ANO4: variants seen among roughly 807,000 people sequenced by gnomAD.
ANO4 encodes anoctamin 4.
ANO4 carries 69 observed loss-of-function variants against 141.9 expected under a neutral mutation model. That is an observed-to-expected ratio of 0.49 (90% confidence interval 0.40 to 0.59). The LOEUF (loss-of-function observed/expected upper bound fraction) is 0.59, where lower values mean the gene tolerates loss of function less well. Among genes scored for constraint, ANO4 ranks in the 20% least tolerant of loss-of-function variants. The probability of loss-of-function intolerance (pLI) is 0.00; values close to 1 mark genes in which losing one functional copy is unlikely to be tolerated. For synonymous variants in ANO4, 350 were observed against 394.3 expected (o/e 0.89, Z 1.33); for missense variants, 894 against 1,162.2 (o/e 0.77, Z 3.36).
At chr12:101,096,040 G>A (rs1047093156) in intron 18 of ANO4, among the ~76,000 whole-genome samples, 1 of 152,154 alleles carries the variant, frequency 6.6e-6, no homozygotes, top group African/African-American at 2.4e-5. Context: ...AAGGGTAAAA[G>A]CAAATGAGTC....
At chr12:100,935,695 G>T (rs1346936866) in intron 3 of ANO4, among the ~76,000 whole-genome samples, 2 of 152,168 alleles carry the variant, frequency 1.3e-5, no homozygotes, top group Non-Finnish European at 2.9e-5. Context: ...CCATGCCTGG[G>T]CTCTCCAGTA....
intron 3 of ANO4, among the ~76,000 whole-genome samples, chr12:100,930,623 G>A (rs2042053689): frequency 6.6e-6 from 1 of 151,900 alleles, no homozygotes; most frequent in East Asian, 1.9e-4. Flanking sequence ...TTGTTTGTTT[G>A]CAAAGGCATA....
chr12:100,875,249 T>C (rs1593596643), intron 1 of ANO4, among the ~76,000 whole-genome samples: 2 of 152,286 alleles, frequency 1.3e-5, no homozygotes, highest in South Asian at 4.1e-4. Flanking sequence ...TTCCCCTTAC[T>C]GTTCTTGTGA....
intron 14 of ANO4, among the ~76,000 whole-genome samples, chr12:101,065,704 C>A (rs930007618): frequency 6.6e-6 from 1 of 152,124 alleles, no homozygotes; most frequent in Non-Finnish European, 1.5e-5. Context: ...TAATAGCAAT[C>A]CTACTTGAAC....
chr12:100,816,157 T>G (rs1028994848), intron 1 of ANO4, among the ~76,000 whole-genome samples: 3 of 152,086 alleles, frequency 2.0e-5, no homozygotes, highest in Admixed American at 1.3e-4. Flanking sequence ...ATTCATTAAT[T>G]TATTTAAAAT....
chr12:100,959,650 A>G (rs2043324138), intron 5 of ANO4, among the ~76,000 whole-genome samples: 1 of 152,006 alleles, frequency 6.6e-6, no homozygotes, highest in African/African-American at 2.4e-5. Context: ...GCTTTCCTCC[A>G]CATGGTGAGT....
chr12:101,068,906 GA>G (rs2048702418), intron 14 of ANO4: 3 of 825,686 alleles, frequency 3.6e-6, no homozygotes, highest in Admixed American at 3.4e-5. Flanking sequence ...GAGCTCCTCC[GA>G]TACTACATGC....
intron 3 of ANO4, among the ~76,000 whole-genome samples, chr12:100,932,514 C>T (rs996741621): frequency 2.0e-5 from 3 of 151,880 alleles, no homozygotes; most frequent in African/African-American, 7.3e-5. Context: ...TTAATTAGTT[C>T]GTCCATTTAT....
intron 22 of ANO4, among the ~76,000 whole-genome samples, chr12:101,108,231 A>G (rs771677813): frequency 6.6e-6 from 1 of 152,134 alleles, no homozygotes; most frequent in Non-Finnish European, 1.5e-5. Flanking sequence ...AAATAAAACC[A>G]AGGTTGAAAC....
At chr12:101,116,585 A>T in intron 24 of ANO4, 94 bp from the exon 25 acceptor site, 1 of 1,570,604 alleles carries the variant, frequency 6.4e-7, no homozygotes, top group Non-Finnish European at 8.7e-7. Flanking sequence ...AGGCATTTAC[A>T]ATTGCAGTGA....
At chr12:101,092,175 C>G (rs2049803906) in intron 17 of ANO4, among the ~76,000 whole-genome samples, 1 of 151,498 alleles carries the variant, frequency 6.6e-6, no homozygotes, top group Non-Finnish European at 1.5e-5. Context: ...CCAGCCATGC[C>G]AATCTGAATC....
chr12:100,769,889 A>G (rs547845344), intron 3 of ANO4, among the ~76,000 whole-genome samples: 1 of 152,330 alleles, frequency 6.6e-6, no homozygotes, highest in East Asian at 1.9e-4. Flanking sequence ...CAGTAGTAAA[A>G]TAAACTGAAT....
At chr12:100,736,959 A>G (rs1016254377) in intron 2 of ANO4, among the ~76,000 whole-genome samples, 2 of 152,080 alleles carry the variant, frequency 1.3e-5, no homozygotes, top group Non-Finnish European at 2.9e-5. Flanking sequence ...ACCATGAGAG[A>G]ATAAATTTCT....
intron 2 of ANO4, among the ~76,000 whole-genome samples, chr12:100,910,519 T>C (rs2041055176): frequency 6.6e-6 from 1 of 152,188 alleles, no homozygotes; most frequent in Non-Finnish European, 1.5e-5. Flanking sequence ...TGAATATTAT[T>C]TTCTGCTTCC....
intron 17 of ANO4, among the ~76,000 whole-genome samples, chr12:101,089,377 T>C (rs917778420): frequency 2.0e-5 from 3 of 151,886 alleles, no homozygotes; most frequent in Admixed American, 6.6e-5. Context: ...AAAGGGCAGT[T>C]GCTGATCATT....
chr12:101,014,607 G>C (rs1319740927), intron 8 of ANO4, among the ~76,000 whole-genome samples: 1 of 152,104 alleles, frequency 6.6e-6, no homozygotes, highest in African/African-American at 2.4e-5. Context: ...CAAAACAGAT[G>C]TTTTCTGAAT....
intron 5 of ANO4, among the ~76,000 whole-genome samples, chr12:100,943,228 G>A (rs1031845477): frequency 3.9e-5 from 6 of 152,194 alleles, no homozygotes; most frequent in Non-Finnish European, 5.9e-5. Context: ...AACTTGGCCC[G>A]TTAACTGAAT....
At chr12:100,881,651 C>G (rs2039575291) in intron 1 of ANO4, among the ~76,000 whole-genome samples, 1 of 152,184 alleles carries the variant, frequency 6.6e-6, no homozygotes, top group African/African-American at 2.4e-5. Context: ...CTGTTCTCAA[C>G]CTCAGTTTCC....
chr12:100,877,470 A>G (rs943343510), intron 1 of ANO4, among the ~76,000 whole-genome samples: 2 of 151,610 alleles, frequency 1.3e-5, no homozygotes, highest in Non-Finnish European at 2.9e-5. Flanking sequence ...TGGGTTCCAG[A>G]AGGTTGGCAA....
Sources: gnomAD v4.1 joint callset for allele counts (sites outside exome capture counted in the v4.1 genomes callset) on GRCh38, gnomAD v4.1.1 for gene constraint, MANE v1.5 for transcripts, NCBI Gene and HGNC (gene_info 2026-07-23, HGNC 2026-07-21) for gene names.